The following NXN variants were observed in gnomAD, a reference collection of about 807,000 sequenced individuals.
The protein encoded by NXN is nucleoredoxin 1.
In NXN, 16 loss-of-function variants were observed where a neutral mutation model predicts 48.6. That is an observed-to-expected ratio of 0.33 (90% CI 0.22 to 0.50). The LOEUF is 0.50. Ranked by LOEUF, NXN falls within the 20% of genes least tolerant of loss-of-function variation. The pLI, the probability that NXN is intolerant of heterozygous loss-of-function variation, is 0.98. For synonymous variants in NXN, 281 were observed against 269.6 expected (o/e 1.04, Z -0.41); for missense variants, 492 against 605.5 (o/e 0.81, Z 1.97).
intron 1 of NXN, among the ~76,000 whole-genome samples, chr17:878,485 G>A (rs1224429864): frequency 8.0e-6 from 1 of 125,584 alleles, no homozygotes; most frequent in Non-Finnish European, 1.7e-5. Context: ...GGGGTGTGGG[G>A]GCAGGGGAGG....
chr17:933,878 C>T (rs1050037529), intron 1 of NXN, among the ~76,000 whole-genome samples: 3 of 152,096 alleles, frequency 2.0e-5, no homozygotes, highest in African/African-American at 4.8e-5. Context: ...GGACTAAAGT[C>T]GTGGATTCCA....
chr17:817,161 G>C (rs1421198597), intron 5 of NXN, among the ~76,000 whole-genome samples: 3 of 152,056 alleles, frequency 2.0e-5, no homozygotes, highest in African/African-American at 7.2e-5. Flanking sequence ...CCATGGGCTG[G>C]CAACATCAGC....
chr17:937,977 C>T (rs963562994), intron 1 of NXN, among the ~76,000 whole-genome samples: 6 of 152,216 alleles, frequency 3.9e-5, no homozygotes, highest in African/African-American at 4.8e-5. Flanking sequence ...CAGGGGCCGT[C>T]GCTGAAGAAG....
chr17:816,665 C>T (rs140215800), intron 5 of NXN, among the ~76,000 whole-genome samples: 170 of 152,290 alleles, frequency 1.1e-3, no homozygotes, highest in Admixed American at 1.9e-3. Flanking sequence ...TAGACCTATA[C>T]GCTCTGCAAA....
At chr17:841,214 G>C (rs2144706229) in intron 1 of NXN, among the ~76,000 whole-genome samples, 1 of 152,330 alleles carries the variant, frequency 6.6e-6, no homozygotes, top group African/African-American at 2.4e-5. Context: ...TCTCATGTGG[G>C]CCCTTCCAGA....
Position 978,967 on chromosome 17 carries a change from C to A in NXN, c.360+352G>T, listed in dbSNP as rs1049586902. Among the ~76,000 whole-genome samples the A allele has an allele frequency of 1.3e-5, 2 of 150,840 alleles. No individual in the cohort carries two copies. Among genetic ancestry groups the A allele is most frequent in the Non-Finnish European group, 3.0e-5 (2 of 67,528 alleles). On this transcript the variant is annotated intron_variant, in intron 1 of 7. Coordinates refer to ENST00000336868, the MANE Select transcript of NXN (RefSeq NM_022463.5). This position sits in a 1 kb window ranked among gnomAD's most constrained non-coding sequence, Gnocchi z 4.1. Reference sequence around the variant, plus strand: ...GATCCCCGAGCGCAGCCGCCCCCACCCGAGGCTCCCAGCGTGTGCGGACGG... The same window carrying A: ...GATCCCCGAGCGCAGCCGCCCCCACACGAGGCTCCCAGCGTGTGCGGACGG...
At chr17:876,486 G>A (rs372933191) in intron 1 of NXN, among the ~76,000 whole-genome samples, 6 of 152,108 alleles carry the variant, frequency 3.9e-5, no homozygotes, top group African/African-American at 1.2e-4. Context: ...CACGCTAGGC[G>A]TCCTTTGCTC....
chr17:907,767 C>G (rs1199484059), intron 1 of NXN: 1 of 152,140 alleles, frequency 6.6e-6, no homozygotes, highest in Admixed American at 6.6e-5. Context: ...ACAGGCATGT[C>G]TTCAGACACT....
intron 1 of NXN, among the ~76,000 whole-genome samples, chr17:859,020 T>C (rs2068015632): frequency 6.6e-6 from 1 of 152,220 alleles, no homozygotes; most frequent in Admixed American, 6.5e-5. Flanking sequence ...AAGGAGGAAC[T>C]GACAACATGA....
At chr17:947,883 C>CAAAAAAAAA (rs71145800) in intron 1 of NXN, among the ~76,000 whole-genome samples, 1 of 119,254 alleles carries the variant, frequency 8.4e-6, no homozygotes, top group Non-Finnish European at 1.7e-5. Flanking sequence ...TACTGAAATA[C>CAAAAAAAAA]AAAAAAAAAA....
rs1215820800 is a variant in NXN, at chr17:819,539, C to T, written c.720G>A (p.Glu240=). 2 of 1,598,114 alleles carry T rather than the reference C, an allele frequency of 1.3e-6. No homozygotes were observed. The change falls in exon 5 of 8, where the codon GAG becomes GAA. Residue 240 remains glutamate, a synonymous_variant. Coordinates refer to ENST00000336868, the MANE Select transcript of NXN (RefSeq NM_022463.5). ...EIIFVSADRS[E]ESFKQYFSEM... ...CACTGAAGTACTGTTTGAAGGACTC[C>T]TCCGACCTACAGAGAGACACACGTG...
chr17:916,122 T>C (rs2068686648), intron 1 of NXN, among the ~76,000 whole-genome samples: 1 of 152,220 alleles, frequency 6.6e-6, no homozygotes, highest in Non-Finnish European at 1.5e-5. Context: ...TGTATTTGAA[T>C]TGCTTCCAAG....
chr17:884,204 G>C (rs2068317455), intron 1 of NXN, among the ~76,000 whole-genome samples: 1 of 134,738 alleles, frequency 7.4e-6, no homozygotes, highest in Non-Finnish European at 1.6e-5. Flanking sequence ...CTGGGGGACT[G>C]AGCAAGACTC....
At chr17:812,168 C>T (rs893075859) in intron 5 of NXN, among the ~76,000 whole-genome samples, 25 of 151,512 alleles carry the variant, frequency 1.7e-4, no homozygotes, top group African/African-American at 6.1e-4. Context: ...ACCTCGTGAT[C>T]CGCCCGCCTC....
chr17:945,243 G>A (rs971995967), intron 1 of NXN, among the ~76,000 whole-genome samples: 1 of 149,864 alleles, frequency 6.7e-6, no homozygotes, highest in Non-Finnish European at 1.5e-5. Context: ...CACCACGCCC[G>A]GCTAATTTTT....
intron 1 of NXN, among the ~76,000 whole-genome samples, chr17:971,130 G>A (rs905347811): frequency 6.6e-6 from 1 of 151,988 alleles, no homozygotes; most frequent in African/African-American, 2.4e-5. Flanking sequence ...ATTTTAAGTA[G>A]AGACAGGGTT....
At chr17:841,487 C>CGACCACAGCGCA (rs1914241685) in intron 1 of NXN, among the ~76,000 whole-genome samples, 1 of 76,672 alleles carries the variant, frequency 1.3e-5, no homozygotes, top group African/African-American at 7.1e-5. Context: ...CAGGTCCCCC[C>CGACCACAGCGCA]TGACCACGGC....
intron 6 of NXN, 53 bp from the exon 7 acceptor site, chr17:803,859 C>G: frequency 6.2e-7 from 1 of 1,605,948 alleles, no homozygotes; most frequent in Non-Finnish European, 8.5e-7. Context: ...ACTGGCTTGT[C>G]AAACAGAGCG....
At chr17:901,013 C>T (rs2068532971) in intron 1 of NXN, among the ~76,000 whole-genome samples, 2 of 150,840 alleles carry the variant, frequency 1.3e-5, no homozygotes, top group African/African-American at 4.9e-5. Flanking sequence ...CTCCACCTCC[C>T]GGGTTCAAGT....
Sources: gnomAD v4.1 joint callset for allele counts (sites outside exome capture counted in the v4.1 genomes callset) on GRCh38, gnomAD v4.1.1 for gene constraint, Gnocchi (gnomAD v3.1) non-coding constraint, MANE v1.5 for transcripts, NCBI Gene and HGNC (gene_info 2026-07-23, HGNC 2026-07-21) for gene names.